SLC36A3: variants seen among roughly 807,000 people sequenced by gnomAD.
The protein encoded by SLC36A3 is solute carrier family 36 member 3.
In SLC36A3, 35 loss-of-function variants were observed where a neutral mutation model predicts 44.3. The observed-to-expected ratio is 0.79, with a 90% CI of 0.60 to 1.05. The LOEUF (loss-of-function observed/expected upper bound fraction) is 1.05. Among genes scored for constraint, SLC36A3 ranks in the 50% least tolerant of loss-of-function variants. SLC36A3 has a pLI of 0.00. For missense variants in SLC36A3, 540 were observed against 578.7 expected (o/e 0.93, Z 0.69); for synonymous variants, 211 against 227.6 (o/e 0.93, Z 0.66).
At chr5:151,296,314 T>A in intron 2 of SLC36A3, 46 bp from the exon 3 acceptor site, 1 of 1,521,984 alleles carries the variant, frequency 6.6e-7, no homozygotes, top group South Asian at 1.1e-5. Flanking sequence ...AAATGATCAC[T>A]CCCATTCCCT....
At chr5:151,299,252 C>CTATATATATATATATA (rs1417584326) in intron 1 of SLC36A3, among the ~76,000 whole-genome samples, 1 of 95,074 alleles carries the variant, frequency 1.1e-5, no homozygotes, top group Non-Finnish European at 2.0e-5. Context: ...CTCTCTCTCT[C>CTATATATATATATATA]TCTCTCTCTC....
Position 151,288,441 on chromosome 5 carries a change from GTGA to G in SLC36A3, c.431_433del (p.Ile144del). The G allele has an allele frequency of 1.3e-6, 2 of 1,597,926 alleles. No homozygotes were observed. The highest frequency in any genetic ancestry group is 1.7e-6 in the Non-Finnish European group (2 of 1,171,868). ...ATAAACACTGCAGAAGCCCAGCTGG[GTGA>G]TGACTAATAAGAAGCTGACAGTGTA... On this transcript the variant is annotated inframe_deletion, in exon 5 of 10. Transcript: ENST00000335230.
chr5:151,289,659 G>A (rs1488426651), intron 4 of SLC36A3, among the ~76,000 whole-genome samples: 1 of 152,180 alleles, frequency 6.6e-6, no homozygotes, highest in Non-Finnish European at 1.5e-5. Flanking sequence ...GGCTTTGTTT[G>A]AAGAGTATAG....
At chr5:151,285,030 A>C (rs955805247) in intron 6 of SLC36A3, among the ~76,000 whole-genome samples, 1 of 152,152 alleles carries the variant, frequency 6.6e-6, no homozygotes, top group South Asian at 2.1e-4. Flanking sequence ...CTCTTTATCT[A>C]TCAAATAATA....
intron 2 of SLC36A3, chr5:151,297,684 C>T (rs1049969852): frequency 1.3e-5 from 2 of 152,130 alleles, no homozygotes; most frequent in African/African-American, 4.8e-5. Context: ...ATATGTCGAC[C>T]GGACGAGGTG....
intron 6 of SLC36A3, among the ~76,000 whole-genome samples, chr5:151,285,449 A>G (rs1187670397): frequency 6.6e-6 from 1 of 152,198 alleles, no homozygotes; most frequent in African/African-American, 2.4e-5. Flanking sequence ...CCTGTTTCCC[A>G]GCCCTCTAAC....
At position 151,293,344 on chromosome 5, in the gene SLC36A3, A is replaced by G. The variant is rs1413956090; in HGVS notation, c.404+20T>C. 1.3e-6 allele frequency: 2 copies of G among 1,598,396 alleles called. No homozygotes were observed. The highest frequency in any genetic ancestry group is 8.5e-7 in the Non-Finnish European group (1 of 1,171,188). On this transcript the variant is annotated intron_variant, in intron 4 of 9. Coordinates refer to ENST00000335230, the MANE Select transcript of SLC36A3 (RefSeq NM_181774.4). ...TATGATGATTTTTGTTGTTACTACTACAACATCTGTGACTACTACCTTCCC... is the reference window on the plus strand; with the variant it reads ...TATGATGATTTTTGTTGTTACTACTGCAACATCTGTGACTACTACCTTCCC...
intron 9 of SLC36A3, among the ~76,000 whole-genome samples, chr5:151,279,362 A>C (rs1388501773): frequency 6.6e-6 from 1 of 152,052 alleles, no homozygotes; most frequent in Admixed American, 6.5e-5. Flanking sequence ...GGTCCTGTGA[A>C]GGCAGAAGCT....
At chr5:151,296,112 T>G in intron 3 of SLC36A3, 68 bp downstream of exon 3, 1 of 1,479,898 alleles carries the variant, frequency 6.8e-7, no homozygotes, top group Non-Finnish European at 9.4e-7. Flanking sequence ...GGGTCAGTGG[T>G]CAAAAGAAGA....
At chr5:151,288,747 G>T (rs780237439) in intron 4 of SLC36A3, among the ~76,000 whole-genome samples, 2 of 150,808 alleles carry the variant, frequency 1.3e-5, no homozygotes, top group Admixed American at 1.3e-4. Flanking sequence ...ATGAATATTC[G>T]TCTATACACA....
chr5:151,281,278 T>C lies in SLC36A3; in HGVS notation c.975-95A>G, dbSNP rs1754306570. 7.0e-6 allele frequency: 9 copies of C among 1,282,514 alleles called. No homozygotes were observed. In the South Asian group the frequency reaches 1.3e-4, roughly 19 times the overall value. The allele number at this position is 1,282,514 out of a possible 1,614,324, so 79.4% of individuals were successfully genotyped here. A position where few individuals can be genotyped will look rare whatever the true frequency, so the allele number is the denominator to read the frequency against. ...TGCTCAGAAGCTGGTATGGGTTGAG[T>C]ATCCCTAATCCAAAACAAAATCTGA... On this transcript the variant is annotated intron_variant, in intron 8 of 9. Coordinates refer to ENST00000335230, the MANE Select transcript of SLC36A3 (RefSeq NM_181774.4).
At chr5:151,279,076 T>C (rs1754213127) in intron 9 of SLC36A3, among the ~76,000 whole-genome samples, 1 of 152,176 alleles carries the variant, frequency 6.6e-6, no homozygotes, top group African/African-American at 2.4e-5. Flanking sequence ...CCATAGGCAA[T>C]ACTTGCCTCA....
chr5:151,280,803 G>A (rs561586325), intron 9 of SLC36A3, among the ~76,000 whole-genome samples: 1 of 152,314 alleles, frequency 6.6e-6, no homozygotes, highest in Non-Finnish European at 1.5e-5. Flanking sequence ...TATTTTCTAT[G>A]TGTAGGCAGT....
rs1319285776 is a variant in SLC36A3 at position 151,277,104 on chromosome 5, T to A, written c.*289A>T. The A allele has an allele frequency of 4.7e-6, 2 of 427,904 alleles. No individual in the cohort carries two copies. Among genetic ancestry groups the A allele is most frequent in the African/African-American group, 3.9e-5 (2 of 50,706 alleles). The allele number at this position is 427,904 out of a possible 1,614,324, so 26.5% of individuals were successfully genotyped here. ...TATGCTTGGTCTCTGTTTCAAGGGCTATTGGGGTAAGTGGCATCCCTTTTC... is the reference window on the plus strand; with the variant it reads ...TATGCTTGGTCTCTGTTTCAAGGGCAATTGGGGTAAGTGGCATCCCTTTTC... On this transcript the variant is annotated 3_prime_UTR_variant, in exon 10 of 10. Transcript: ENST00000335230.
intron 3 of SLC36A3, 112 bp from the exon 4 acceptor site, chr5:151,293,571 T>C: frequency 1.2e-6 from 1 of 840,892 alleles, no homozygotes; most frequent in Non-Finnish European, 1.8e-6. Flanking sequence ...AAGCCTTCTG[T>C]CAATTTTCTC....
chr5:151,293,473 A>G lies in SLC36A3; in HGVS notation c.309-14T>C. 6.3e-7 allele frequency: 1 copy of G among 1,597,630 alleles called. No homozygotes were observed. Among genetic ancestry groups the G allele is most frequent in the Admixed American group, 1.7e-5 (1 of 58,582 alleles). On this transcript the variant is annotated splice_polypyrimidine_tract_variant and intron_variant, in intron 3 of 9. Coordinates refer to ENST00000335230, the MANE Select transcript of SLC36A3 (RefSeq NM_181774.4). The stretch of plus-strand genomic sequence containing the variant: ...GTCTTCTGCAGTCTAGGGGGAAAGA[A>G]CAAACAATGCATAATTTAAAACATT...
chr5:151,296,061 G>A, intron 3 of SLC36A3, 119 bp downstream of exon 3: 1 of 897,672 alleles, frequency 1.1e-6, no homozygotes, highest in Non-Finnish European at 1.8e-6. Context: ...ATAGAATCCA[G>A]ATTGGTAGGA....
intron 4 of SLC36A3, among the ~76,000 whole-genome samples, chr5:151,290,145 G>A (rs550562799): frequency 6.6e-6 from 1 of 151,688 alleles, no homozygotes; most frequent in South Asian, 2.1e-4. Context: ...TATTCTTTTG[G>A]GTTCTTAAAT....
At chr5:151,281,907 T>C (rs1408219215) in intron 8 of SLC36A3, among the ~76,000 whole-genome samples, 2 of 152,160 alleles carry the variant, frequency 1.3e-5, no homozygotes, top group Admixed American at 6.5e-5. Context: ...CTTCCCACCC[T>C]TGATTCCTAG....
Sources: allele counts gnomAD v4.1 joint callset (sites outside exome capture counted in the v4.1 genomes callset), GRCh38; gene constraint gnomAD v4.1.1; transcripts MANE v1.5; gene names NCBI Gene and HGNC (gene_info 2026-07-23, HGNC 2026-07-21).